PDE8B: variants seen among roughly 807,000 people sequenced by gnomAD.
PDE8B encodes high affinity cAMP-specific and IBMX-insensitive 3',5'-cyclic phosphodiesterase 8B.
A neutral mutation model predicts 101.3 loss-of-function variants in PDE8B; 26 were observed. That is an observed-to-expected ratio of 0.26 (90% CI 0.19 to 0.36). The LOEUF (loss-of-function observed/expected upper bound fraction) is 0.36. Ranked by LOEUF, PDE8B falls within the 10% of genes least tolerant of loss-of-function variation. The probability of loss-of-function intolerance (pLI) is 1.00; values close to 1 mark genes in which losing one functional copy is unlikely to be tolerated. For synonymous variants in PDE8B, 424 were observed against 429.3 expected (o/e 0.99, Z 0.15); for missense variants, 810 against 1,163.1 (o/e 0.70, Z 4.42).
the PDE8B span, among the ~76,000 whole-genome samples, chr5:77,096,099 C>T: frequency 6.6e-6 from 1 of 152,068 alleles, no homozygotes; most frequent in Non-Finnish European, 1.5e-5. Flanking sequence ...CAGCAATTCT[C>T]CCACCTCAGA....
chr5:77,382,807 T>G (rs2150820090), intron 10 of PDE8B, among the ~76,000 whole-genome samples: 1 of 152,344 alleles, frequency 6.6e-6, no homozygotes, highest in South Asian at 2.1e-4. Context: ...GGTTCACATG[T>G]GTGCCACATT....
intron 1 of PDE8B, among the ~76,000 whole-genome samples, chr5:77,295,601 A>G (rs900629368): frequency 4.5e-4 from 68 of 152,064 alleles, no homozygotes; most frequent in African/African-American, 1.5e-3. Flanking sequence ...TGTGTGGCCA[A>G]TTGCCCACCC....
intron 2 of PDE8B, among the ~76,000 whole-genome samples, chr5:77,318,078 CACA>C (rs1009708518): frequency 8.2e-5 from 8 of 98,158 alleles, no homozygotes; most frequent in Admixed American, 2.0e-4. Flanking sequence ...AAAAAAAAAA[CACA>C]ACAACAACAA....
chr5:77,412,306 T>C (rs2151099028), intron 16 of PDE8B, 71 bp downstream of exon 16: 1 of 1,527,258 alleles, frequency 6.5e-7, no homozygotes, highest in Middle Eastern at 1.7e-4. Context: ...TTTGGAAACT[T>C]TGAGGGAGAC....
the PDE8B span, chr5:77,105,183 T>C: frequency 6.6e-6 from 1 of 152,226 alleles, no homozygotes; most frequent in South Asian, 2.1e-4. Flanking sequence ...ATCAATTCTC[T>C]GTTAATGGAC....
the PDE8B span, among the ~76,000 whole-genome samples, chr5:77,200,401 C>T: frequency 1.3e-5 from 2 of 152,140 alleles, no homozygotes; most frequent in Non-Finnish European, 2.9e-5. Flanking sequence ...ATAAGCCTCT[C>T]CTTCCCCTAG....
At chr5:77,402,972 G>A (rs1053404796) in intron 11 of PDE8B, among the ~76,000 whole-genome samples, 1 of 152,010 alleles carries the variant, frequency 6.6e-6, no homozygotes, top group African/African-American at 2.4e-5. Flanking sequence ...ATCACTTATT[G>A]GCATCTGAGA....
the PDE8B span, among the ~76,000 whole-genome samples, chr5:77,157,666 C>A: frequency 6.6e-6 from 1 of 152,200 alleles, no homozygotes; most frequent in East Asian, 1.9e-4. Flanking sequence ...TCCTGGCATA[C>A]AATAGGTGCT....
At chr5:77,426,025 G>A (rs1798034536) in intron 21 of PDE8B, 129 bp downstream of exon 21, 2 of 869,926 alleles carry the variant, frequency 2.3e-6, no homozygotes, top group Non-Finnish European at 3.7e-6. Context: ...AGCTTTTTGT[G>A]GCCAAGTGGG....
the PDE8B span, among the ~76,000 whole-genome samples, chr5:77,167,544 G>A: frequency 1.4e-4 from 22 of 152,270 alleles, no homozygotes; most frequent in African/African-American, 1.9e-4. Flanking sequence ...ACGTCGATGC[G>A]GAGGGTGCAG....
chr5:77,162,033 T>C, the PDE8B span, among the ~76,000 whole-genome samples: 1,072 of 151,992 alleles, frequency 7.1e-3, 14 homozygotes, highest in African/African-American at 0.025. Context: ...GTACATTTCC[T>C]AAAAATAAAT....
At chr5:77,198,988 C>T in the PDE8B span, among the ~76,000 whole-genome samples, 1 of 152,192 alleles carries the variant, frequency 6.6e-6, no homozygotes, top group Non-Finnish European at 1.5e-5. Flanking sequence ...TTTTCCCACA[C>T]ACCCACTTCA....
At chr5:77,166,776 T>C in the PDE8B span, 1 of 152,142 alleles carries the variant, frequency 6.6e-6, no homozygotes, top group African/African-American at 2.4e-5. Flanking sequence ...ACACCTTATG[T>C]TGGTTATCCC....
rs752053682 is a variant in PDE8B at position 77,325,680 on chromosome 5, G to A, written c.541G>A (p.Val181Ile). ...CFLDKHHEII[V>I]IDHRQTQNFD... is the part of the protein sequence containing the mutation. Reference sequence around the variant, plus strand: ...TCTTGATAAGCATCATGAAATTATTGTAATTGATCATAGACAAACTCAGAA... The same window carrying A: ...TCTTGATAAGCATCATGAAATTATTATAATTGATCATAGACAAACTCAGAA... Residue 181 changes from valine to isoleucine, a missense_variant, in exon 3 of 22, where the codon GTA becomes ATA. Physicochemically the swap from Val to Ile is conservative, Grantham distance 29. This residue lies in a region of PDE8B where 251 missense variants were observed against 378.8 expected (regional missense o/e 0.66). Coordinates refer to ENST00000264917, the MANE Select transcript of PDE8B (RefSeq NM_003719.5). 6.2e-7 allele frequency: 1 copy of A among 1,613,868 alleles called. No homozygotes were observed. The highest frequency in any genetic ancestry group is 8.5e-7 in the Non-Finnish European group (1 of 1,179,752).
At chr5:77,267,625 G>A (rs747670081) in intron 1 of PDE8B, among the ~76,000 whole-genome samples, 31 of 152,128 alleles carry the variant, frequency 2.0e-4, no homozygotes, top group Non-Finnish European at 4.3e-4. Flanking sequence ...CGTGCTGCCT[G>A]GCTTGAAGCT....
chr5:77,375,150 G>A (rs1177668997), intron 10 of PDE8B, among the ~76,000 whole-genome samples: 7 of 152,200 alleles, frequency 4.6e-5, no homozygotes, highest in Admixed American at 3.9e-4. Context: ...CACTAACGAA[G>A]CTCTCAGCTG....
intron 21 of PDE8B, chr5:77,426,220 TA>T (rs1372528628): frequency 2.0e-5 from 12 of 606,510 alleles, no homozygotes; most frequent in Non-Finnish European, 3.5e-5. Context: ...GTATTTAGTT[TA>T]CTCTGAATCA....
intron 8 of PDE8B, 32 bp from the exon 9 acceptor site, chr5:77,351,033 A>G (rs1331591171): frequency 5.2e-6 from 8 of 1,531,874 alleles, no homozygotes; most frequent in Non-Finnish European, 7.2e-6. Context: ...TCCTTGACTG[A>G]AGGATTTTAA....
the PDE8B span, among the ~76,000 whole-genome samples, chr5:77,128,920 A>G: frequency 6.6e-6 from 1 of 152,214 alleles, no homozygotes; most frequent in Non-Finnish European, 1.5e-5. Context: ...CAGTGGACTA[A>G]ACAAGAAACC....
Sources: allele counts gnomAD v4.1 joint callset (sites outside exome capture counted in the v4.1 genomes callset), GRCh38; gene constraint gnomAD v4.1.1; regional missense constraint gnomAD v4.1.1; transcripts MANE v1.5; gene names NCBI Gene and HGNC (gene_info 2026-07-23, HGNC 2026-07-21).